The following SKAP1 variants were observed in gnomAD, a reference collection of about 807,000 sequenced individuals.
SKAP1 encodes the protein src kinase-associated phosphoprotein 1.
A neutral mutation model predicts 58.5 loss-of-function variants in SKAP1; 44 were observed. The ratio of observed to expected loss-of-function variants is 0.75; its 90% CI spans 0.59 to 0.97. The LOEUF (loss-of-function observed/expected upper bound fraction) is 0.97. Ranked by LOEUF, SKAP1 falls within the 50% of genes least tolerant of loss-of-function variation. The probability of loss-of-function intolerance (pLI) is 0.00; values close to 1 mark genes in which losing one functional copy is unlikely to be tolerated. For missense variants in SKAP1, 390 were observed against 435.2 expected, an observed-to-expected ratio of 0.90 and a Z score of 0.92; for synonymous variants, 127 against 149.7, an observed-to-expected ratio of 0.85 and a Z score of 1.11.
the SKAP1 span, among the ~76,000 whole-genome samples, chr17:48,441,392 G>A: frequency 6.6e-6 from 1 of 152,058 alleles, no homozygotes; most frequent in East Asian, 1.9e-4. Context: ...GCTTGGCTGA[G>A]TATTAATTTA....
chr17:48,356,686 T>C (rs894179982), intron 3 of SKAP1, among the ~76,000 whole-genome samples: 3 of 152,158 alleles, frequency 2.0e-5, no homozygotes, highest in Non-Finnish European at 4.4e-5. Flanking sequence ...ATATCAGCAA[T>C]ATAGATTTAT....
At chr17:48,198,278 A>G (rs1460192642) in intron 4 of SKAP1, among the ~76,000 whole-genome samples, 3 of 151,720 alleles carry the variant, frequency 2.0e-5, no homozygotes, top group Non-Finnish European at 4.4e-5. Flanking sequence ...ACACGGTGAA[A>G]CCCCGTTTCT....
In SKAP1 at chr17:48,162,514, A is replaced by C; in HGVS notation, c.933T>G (p.Asp311Glu). 1.9e-6 allele frequency: 3 copies of C among 1,614,126 alleles called. No individual in the cohort carries two copies. The highest frequency in any genetic ancestry group is 2.5e-6 in the Non-Finnish European group (3 of 1,180,000). ...GGTCACCCCGTTGGAAGGACAGTTCATCTGGCTGGTCACCATGGCAATCCC... is the reference window on the plus strand; with the variant it reads ...GGTCACCCCGTTGGAAGGACAGTTCCTCTGGCTGGTCACCATGGCAATCCC... ...GLWDCHGDQP[D>E]ELSFQRGDLI... Residue 311 changes from aspartate to glutamate, a missense_variant, in exon 11 of 13, where the codon GAT becomes GAG. Transcript: ENST00000336915.
chr17:48,399,087 CT>C (rs35118348), intron 1 of SKAP1, among the ~76,000 whole-genome samples: 30,861 of 151,870 alleles, frequency 0.2, 3,177 homozygotes, highest in Non-Finnish European at 0.22. Flanking sequence ...ATCGCTAGGA[CT>C]TTTGATGAGA....
At chr17:48,314,701 A>G (rs2066266958) in intron 4 of SKAP1, among the ~76,000 whole-genome samples, 1 of 152,180 alleles carries the variant, frequency 6.6e-6, no homozygotes, top group Admixed American at 6.5e-5. Context: ...TAGTTTCTAA[A>G]AGGCAGGTAA....
the SKAP1 span, among the ~76,000 whole-genome samples, chr17:48,443,449 A>G: frequency 7.1e-6 from 1 of 140,998 alleles, no homozygotes; most frequent in African/African-American, 2.8e-5. Context: ...AGTGAGTGCT[A>G]CAAGGTAAGT....
intron 4 of SKAP1, among the ~76,000 whole-genome samples, chr17:48,200,746 C>T (rs1398332798): frequency 6.6e-6 from 1 of 152,186 alleles, no homozygotes; most frequent in African/African-American, 2.4e-5. Context: ...TAAATATACA[C>T]AATACACTGT....
intron 4 of SKAP1, among the ~76,000 whole-genome samples, chr17:48,315,138 A>G (rs938824848): frequency 6.6e-6 from 1 of 152,236 alleles, no homozygotes; most frequent in Admixed American, 6.5e-5. Context: ...TGCCCTCACT[A>G]GCAAGTCAGA....
At chr17:48,280,337 G>A (rs937549440) in intron 4 of SKAP1, among the ~76,000 whole-genome samples, 12 of 151,950 alleles carry the variant, frequency 7.9e-5, no homozygotes, top group Non-Finnish European at 1.5e-4. Flanking sequence ...GGCTGTGGTG[G>A]TGGGCGCCTG....
chr17:48,234,342 T>C (rs1183369296), intron 4 of SKAP1, among the ~76,000 whole-genome samples: 1 of 152,212 alleles, frequency 6.6e-6, no homozygotes, highest in Non-Finnish European at 1.5e-5. Context: ...GTATACTCCA[T>C]TGACTACAAT....
intron 4 of SKAP1, among the ~76,000 whole-genome samples, chr17:48,250,357 C>A (rs1276187607): frequency 7.3e-6 from 1 of 136,416 alleles, no homozygotes; most frequent in African/African-American, 2.8e-5. Flanking sequence ...TCTCAGTTCA[C>A]TGCAACCTCT....
chr17:48,371,400 T>G (rs1380986483), intron 2 of SKAP1, among the ~76,000 whole-genome samples: 1 of 152,088 alleles, frequency 6.6e-6, no homozygotes, highest in Non-Finnish European at 1.5e-5. Context: ...TTCTTGGCCA[T>G]GGAGCTAACC....
chr17:48,363,965 G>T (rs970702443), intron 2 of SKAP1, 151 bp from the exon 3 acceptor site: 6 of 508,306 alleles, frequency 1.2e-5, no homozygotes, highest in South Asian at 8.7e-5. Flanking sequence ...AAAACAAAAG[G>T]TTATCCCTGA....
At chr17:48,187,725 G>A in intron 6 of SKAP1, 118 bp downstream of exon 6, 2 of 647,542 alleles carry the variant, frequency 3.1e-6, no homozygotes, top group Non-Finnish European at 5.3e-6. Flanking sequence ...TCTTTCCTAA[G>A]CATGTCCCTT....
At chr17:48,269,037 A>C (rs2065592598) in intron 4 of SKAP1, among the ~76,000 whole-genome samples, 1 of 152,098 alleles carries the variant, frequency 6.6e-6, no homozygotes, top group Non-Finnish European at 1.5e-5. Flanking sequence ...TTTAGATGTA[A>C]TATACTAATA....
chr17:48,177,164 C>T (rs1408476740), intron 9 of SKAP1, among the ~76,000 whole-genome samples: 1 of 152,128 alleles, frequency 6.6e-6, no homozygotes, highest in Non-Finnish European at 1.5e-5. Flanking sequence ...ATTCCATCTG[C>T]TCAGGATTTT....
intron 4 of SKAP1, among the ~76,000 whole-genome samples, chr17:48,343,894 G>A (rs2066689088): frequency 6.6e-6 from 1 of 152,126 alleles, no homozygotes; most frequent in Admixed American, 6.5e-5. Context: ...TGTAAATCCT[G>A]GCACTACTAC....
chr17:48,136,496 C>G (rs2063700397), intron 12 of SKAP1: 1 of 152,182 alleles, frequency 6.6e-6, no homozygotes, highest in South Asian at 2.1e-4. Context: ...ATCTTTCCTG[C>G]TGTGCTGTGT....
chr17:48,350,952 G>A (rs985584602), intron 3 of SKAP1, among the ~76,000 whole-genome samples: 2 of 152,080 alleles, frequency 1.3e-5, no homozygotes, highest in African/African-American at 4.8e-5. Flanking sequence ...AAAGCTCCCT[G>A]ATCCAAGTCC....
Sources: gnomAD v4.1 joint callset for allele counts (sites outside exome capture counted in the v4.1 genomes callset) on GRCh38, gnomAD v4.1.1 for gene constraint, MANE v1.5 for transcripts, NCBI Gene and HGNC (gene_info 2026-07-23, HGNC 2026-07-21) for gene names.